Variants in CDK19 observed in about 807,000 individuals in gnomAD.
CDK19 encodes cyclin dependent kinase 19.
Under a neutral mutation model 68.3 loss-of-function variants are expected in CDK19, and 20 were observed. The observed-to-expected ratio is 0.29, with a 90% CI of 0.21 to 0.43. The LOEUF (loss-of-function observed/expected upper bound fraction) is 0.43. CDK19 is among the 20% of genes least tolerant of loss of function. The probability of loss-of-function intolerance (pLI) is 1.00; values close to 1 mark genes in which losing one functional copy is unlikely to be tolerated. For missense variants in CDK19, 339 were observed against 623.5 expected, an observed-to-expected ratio of 0.54 and a Z score of 4.86; for synonymous variants, 221 against 222.8, an observed-to-expected ratio of 0.99 and a Z score of 0.07.
intron 1 of CDK19, among the ~76,000 whole-genome samples, chr6:110,766,471 A>G (rs1779593202): frequency 6.6e-6 from 1 of 152,078 alleles, no homozygotes; most frequent in Admixed American, 6.6e-5. Context: ...CAAGCTACTC[A>G]GGAAGCTGAG....
intron 1 of CDK19, among the ~76,000 whole-genome samples, chr6:110,768,643 T>C (rs1426077016): frequency 6.6e-6 from 1 of 152,102 alleles, no homozygotes; most frequent in African/African-American, 2.4e-5. Flanking sequence ...AAAAGCTACA[T>C]ACTCAACTCT....
intron 2 of CDK19, among the ~76,000 whole-genome samples, chr6:110,723,610 A>G (rs1776105058): frequency 1.3e-5 from 2 of 152,212 alleles, no homozygotes; most frequent in African/African-American, 4.8e-5. Context: ...ATAAAATTAC[A>G]TACGGATTTT....
intron 1 of CDK19, among the ~76,000 whole-genome samples, chr6:110,755,394 T>C (rs1393566689): frequency 2.6e-5 from 4 of 152,068 alleles, no homozygotes; most frequent in Non-Finnish European, 5.9e-5. Context: ...ATCTAATAAA[T>C]GCTATAACAG....
chr6:110,752,597 CTA>C (rs1778545324), intron 1 of CDK19, among the ~76,000 whole-genome samples: 1 of 152,218 alleles, frequency 6.6e-6, no homozygotes, highest in Admixed American at 6.5e-5. Flanking sequence ...TTCACCTATT[CTA>C]TCTCTAAACA....
chr6:110,795,922 T>A (rs530626068), intron 1 of CDK19, among the ~76,000 whole-genome samples: 2 of 152,330 alleles, frequency 1.3e-5, no homozygotes, highest in African/African-American at 4.8e-5. Context: ...ACCCTTAGTA[T>A]CTTAGTAATT....
intron 2 of CDK19, among the ~76,000 whole-genome samples, chr6:110,714,137 C>A (rs1463587181): frequency 1.3e-5 from 2 of 152,202 alleles, no homozygotes; most frequent in Admixed American, 1.3e-4. Context: ...TCTGCTATGT[C>A]TATGGATTTG....
intron 2 of CDK19, chr6:110,700,419 T>C (rs1582894280): frequency 6.6e-6 from 1 of 152,180 alleles, no homozygotes; most frequent in East Asian, 1.9e-4. Context: ...TGCTAGCTTA[T>C]AGAGCTTATA....
intron 1 of CDK19, among the ~76,000 whole-genome samples, chr6:110,806,307 A>T (rs1294812882): frequency 2.0e-5 from 3 of 151,724 alleles, no homozygotes; most frequent in Non-Finnish European, 4.4e-5. Context: ...GCCATCACAC[A>T]ACAGCCTGGG....
At position 110,621,683 on chromosome 6, in the gene CDK19, C is replaced by T. The variant is rs920047501; in HGVS notation, c.1111-313G>A. On this transcript the variant is annotated intron_variant, in intron 11 of 12. Transcript: ENST00000368911. The surrounding 1 kb of genome is among the most constrained non-coding windows in gnomAD (Gnocchi z 5.4). The stretch of plus-strand genomic sequence containing the variant: ...ATACATTTCTTATAGCTCATTAAAA[C>T]AGCTAGAAGAAATCTTTTCAATCGT... 1.3e-5 allele frequency among the ~76,000 whole-genome samples: 2 copies of T among 152,178 alleles called. No individual in the cohort carries two copies.
chr6:110,741,127 G>A (rs1777629294), intron 2 of CDK19, among the ~76,000 whole-genome samples: 1 of 151,980 alleles, frequency 6.6e-6, no homozygotes, highest in South Asian at 2.1e-4. Context: ...AATAAGAGAA[G>A]AGAGAAAGGA....
At chr6:110,722,902 GTTA>G (rs1399837434) in intron 2 of CDK19, among the ~76,000 whole-genome samples, 5 of 151,938 alleles carry the variant, frequency 3.3e-5, no homozygotes, top group African/African-American at 9.7e-5. Flanking sequence ...TATCTCTAAT[GTTA>G]TTATAAAATA....
intron 4 of CDK19, among the ~76,000 whole-genome samples, chr6:110,653,003 C>T (rs1430023294): frequency 6.6e-6 from 1 of 152,060 alleles, no homozygotes; most frequent in Non-Finnish European, 1.5e-5. Flanking sequence ...AAGTTAAGAC[C>T]TGGAATTGCA....
chr6:110,689,570 T>G (rs1485154068), intron 2 of CDK19, among the ~76,000 whole-genome samples: 1 of 152,266 alleles, frequency 6.6e-6, no homozygotes, highest in East Asian at 1.9e-4. Flanking sequence ...GCATCACCAC[T>G]GCCTGTACCA....
intron 2 of CDK19, among the ~76,000 whole-genome samples, chr6:110,727,815 A>C (rs1776427376): frequency 6.6e-6 from 1 of 151,826 alleles, no homozygotes; most frequent in African/African-American, 2.4e-5. Flanking sequence ...TCTACTAAAA[A>C]AAAAAGAAAG....
rs546255562 is a variant in CDK19, at chr6:110,616,702, C to T, written c.1378-2036G>A. ...AAAAACAAAACAAAACTTAGTTTTG[C>T]CCCTTCCTAAGTTGCACAACTGAAT... On this transcript the variant is annotated intron_variant, in intron 12 of 12. Coordinates refer to ENST00000368911, the MANE Select transcript of CDK19 (RefSeq NM_015076.5). 1.3e-3 allele frequency among the ~76,000 whole-genome samples: 197 copies of T among 151,076 alleles called. 1 individual carries two copies. The highest frequency in any genetic ancestry group is 0.01 in the Middle Eastern group (3 of 290).
chr6:110,784,209 T>C (rs190442742), intron 1 of CDK19, among the ~76,000 whole-genome samples: 1 of 127,098 alleles, frequency 7.9e-6, no homozygotes, highest in East Asian at 2.4e-4. Flanking sequence ...AAAAGGCAAC[T>C]CAAAAAAAAC....
intron 1 of CDK19, among the ~76,000 whole-genome samples, chr6:110,798,680 A>G (rs1782126627): frequency 6.6e-6 from 1 of 151,442 alleles, no homozygotes; most frequent in Non-Finnish European, 1.5e-5. Flanking sequence ...GAACAACAAG[A>G]TATACCAGAA....
At position 110,690,429 on chromosome 6, in the gene CDK19, G is replaced by A. The variant is rs1251526055; in HGVS notation, c.205-19888C>T. Among the ~76,000 whole-genome samples the A allele has an allele frequency of 2.6e-5, 4 of 151,380 alleles. No homozygotes were observed. The East Asian group carries it at 7.8e-4, about 29-fold the overall frequency. On this transcript the variant is annotated intron_variant, in intron 2 of 12. Coordinates refer to ENST00000368911, the MANE Select transcript of CDK19 (RefSeq NM_015076.5). ...CCCACCTTTCCCCCGTAAGACCTCA[G>A]TGCATTCCACTGAAAGCTTCCCCAG...
At chr6:110,741,114 T>C (rs1228239727) in intron 2 of CDK19, among the ~76,000 whole-genome samples, 1 of 151,728 alleles carries the variant, frequency 6.6e-6, no homozygotes, top group Non-Finnish European at 1.5e-5. Flanking sequence ...TAATGAGAGC[T>C]GCAATAAGAG....
Sources: gnomAD v4.1 joint callset for allele counts (sites outside exome capture counted in the v4.1 genomes callset) on GRCh38, gnomAD v4.1.1 for gene constraint, Gnocchi (gnomAD v3.1) non-coding constraint, MANE v1.5 for transcripts, NCBI Gene and HGNC (gene_info 2026-07-23, HGNC 2026-07-21) for gene names.